Variants in MYO16 observed in about 807,000 individuals in gnomAD.
The protein encoded by MYO16 is myosin XVI, also known as unconventional myosin-XVI.
Under a neutral mutation model 205.3 loss-of-function variants are expected in MYO16, and 94 were observed. The observed-to-expected ratio is 0.46, with a 90% confidence interval of 0.39 to 0.54. MYO16 has a LOEUF of 0.54. Ranked by LOEUF, MYO16 falls within the 20% of genes least tolerant of loss-of-function variation. The pLI, the probability that MYO16 is intolerant of heterozygous loss-of-function variation, is 0.00. For missense variants in MYO16, 2,315 were observed against 2,387.5 expected (o/e 0.97, Z 0.63); for synonymous variants, 988 against 954.0 (o/e 1.04, Z -0.66).
chr13:108,644,487 A>G (rs959966919), intron 1 of MYO16, among the ~76,000 whole-genome samples: 2 of 152,138 alleles, frequency 1.3e-5, no homozygotes, highest in African/African-American at 2.4e-5. Context: ...TGTTAACACA[A>G]TGGGAAAGAT....
At chr13:108,667,704 A>G (rs1392915085) in intron 2 of MYO16, among the ~76,000 whole-genome samples, 4 of 152,208 alleles carry the variant, frequency 2.6e-5, no homozygotes, top group Non-Finnish European at 5.9e-5. Flanking sequence ...ATAAGAAAGC[A>G]GATCTTAAAA....
intron 5 of MYO16, among the ~76,000 whole-genome samples, chr13:108,790,024 G>A (rs1886569825): frequency 1.3e-5 from 2 of 152,146 alleles, no homozygotes; most frequent in Non-Finnish European, 2.9e-5. Flanking sequence ...TTACCCTAGG[G>A]AAACCAACCG....
At chr13:108,591,445 TAA>T (rs11318246), upstream of MYO16, among the ~76,000 whole-genome samples, 34,853 of 150,122 alleles carry the variant, frequency 0.23, 4,305 homozygotes, top group East Asian at 0.39. Context: ...CTCTTTAAAA[TAA>T]AAAAAAAAAG....
intron 14 of MYO16, among the ~76,000 whole-genome samples, chr13:108,890,990 T>C (rs1289687258): frequency 6.6e-6 from 1 of 152,186 alleles, no homozygotes; most frequent in Non-Finnish European, 1.5e-5. Context: ...AACAAAGGGC[T>C]ACCCAGTGCC....
chr13:108,786,006 A>G (rs2138924427), intron 5 of MYO16, among the ~76,000 whole-genome samples: 1 of 152,338 alleles, frequency 6.6e-6, no homozygotes, highest in East Asian at 1.9e-4. Context: ...AAAGTCCATA[A>G]TTAGTGGGAC....
intron 11 of MYO16, among the ~76,000 whole-genome samples, chr13:108,865,057 C>T (rs1878638838): frequency 1.3e-5 from 2 of 152,112 alleles, no homozygotes; most frequent in African/African-American, 4.8e-5. Flanking sequence ...TAAGGCCCTT[C>T]ACACAGAGTT....
intron 2 of MYO16, among the ~76,000 whole-genome samples, chr13:108,673,415 C>A (rs927462973): frequency 1.3e-5 from 2 of 150,776 alleles, no homozygotes; most frequent in Non-Finnish European, 2.9e-5. Context: ...CTTAATATGC[C>A]AAATGTTTAC....
chr13:108,986,944 G>C (rs1253903365), intron 20 of MYO16, among the ~76,000 whole-genome samples: 1 of 152,124 alleles, frequency 6.6e-6, no homozygotes, highest in East Asian at 1.9e-4. Flanking sequence ...TCTGTGTTTG[G>C]GGGCAGCTTA....
At chr13:108,502,682 T>C in the MYO16 span, among the ~76,000 whole-genome samples, 71 of 152,346 alleles carry the variant, frequency 4.7e-4, no homozygotes, top group African/African-American at 1.3e-3. Flanking sequence ...AAATAATTTC[T>C]TTAAGAATGA....
chr13:108,674,634 C>A (rs967434853), intron 2 of MYO16, among the ~76,000 whole-genome samples: 15 of 152,138 alleles, frequency 9.9e-5, no homozygotes, highest in African/African-American at 3.6e-4. Flanking sequence ...CTTTAGAATC[C>A]GTCAAATCTA....
At chr13:108,631,952 C>T (rs1411716586) in intron 1 of MYO16, among the ~76,000 whole-genome samples, 1 of 151,872 alleles carries the variant, frequency 6.6e-6, no homozygotes, top group Non-Finnish European at 1.5e-5. Context: ...GTGGTGGGAG[C>T]CTGTAATCCC....
In MYO16 at chr13:109,016,745, G is replaced by T. The variant is rs189213417; in HGVS notation, c.2596-2966G>T. Reference sequence around the variant, plus strand: ...TCTTTGTCTCTTTTCATCTTTGTTGGTTTAAAGTCTGTTTTATGAGACACA... The same window carrying T: ...TCTTTGTCTCTTTTCATCTTTGTTGTTTTAAAGTCTGTTTTATGAGACACA... On this transcript the variant is annotated intron_variant, in intron 22 of 34. Transcript: ENST00000457511. Among the ~76,000 whole-genome samples, 25 of 151,254 alleles carry T rather than the reference G, an allele frequency of 1.7e-4. No individual in the cohort carries two copies. The East Asian group carries it at 4.1e-3, about 25-fold the overall frequency.
At chr13:108,861,653 G>T (rs895054174) in intron 11 of MYO16, among the ~76,000 whole-genome samples, 7 of 152,256 alleles carry the variant, frequency 4.6e-5, no homozygotes, top group Admixed American at 4.6e-4. Context: ...TATTCTGGCA[G>T]TTGTAGAGTG....
chr13:108,854,945 T>C (rs544479612), intron 10 of MYO16, among the ~76,000 whole-genome samples: 2 of 152,338 alleles, frequency 1.3e-5, no homozygotes, highest in African/African-American at 2.4e-5. Context: ...ATCTGAAGTC[T>C]ACCTTTAAAA....
chr13:109,184,640 A>G (rs1351208258), intron 34 of MYO16, among the ~76,000 whole-genome samples: 1 of 152,136 alleles, frequency 6.6e-6, no homozygotes, highest in Non-Finnish European at 1.5e-5. Flanking sequence ...CCTCTGTCCC[A>G]GGCTGGAGTT....
At chr13:108,510,128 G>C in the MYO16 span, among the ~76,000 whole-genome samples, 1 of 152,002 alleles carries the variant, frequency 6.6e-6, no homozygotes, top group African/African-American at 2.4e-5. Context: ...TTCGTTTTTT[G>C]TTTTTCGAGA....
At chr13:108,575,302 GT>G in the MYO16 span, among the ~76,000 whole-genome samples, 1 of 152,172 alleles carries the variant, frequency 6.6e-6, no homozygotes, top group Admixed American at 6.5e-5. Flanking sequence ...CGCCAGCTAT[GT>G]TTCCTTCTTG....
At chr13:108,938,081 AATT>A (rs911649279) in intron 16 of MYO16, among the ~76,000 whole-genome samples, 5 of 151,078 alleles carry the variant, frequency 3.3e-5, no homozygotes, top group African/African-American at 7.3e-5. Context: ...TGTTGTTGTT[AATT>A]ATTATTATTA....
chr13:109,011,771 CA>C (rs1200780884), intron 22 of MYO16, among the ~76,000 whole-genome samples: 3 of 152,068 alleles, frequency 2.0e-5, no homozygotes, highest in African/African-American at 7.2e-5. Context: ...CCTCACCTCC[CA>C]AAGTGCTGGG....
Sources: allele counts gnomAD v4.1 joint callset (sites outside exome capture counted in the v4.1 genomes callset), GRCh38; gene constraint gnomAD v4.1.1; transcripts MANE v1.5; gene names NCBI Gene and HGNC (gene_info 2026-07-23, HGNC 2026-07-21).